MYH7: variants seen among roughly 807,000 people sequenced by gnomAD.
The protein encoded by MYH7 is myosin-7.
A neutral mutation model predicts 225.4 loss-of-function variants in MYH7; 129 were observed. That is an observed-to-expected ratio of 0.57 (90% CI 0.50 to 0.66). MYH7 has a LOEUF of 0.66. Among genes scored for constraint, MYH7 ranks in the 30% least tolerant of loss-of-function variants. The pLI is 0.00. For missense variants in MYH7, 1,649 were observed against 2,517.0 expected (o/e 0.66, Z 7.38); for synonymous variants, 971 against 1,007.6 (o/e 0.96, Z 0.69).
At chr14:23,434,494 C>A (rs75208264) in intron 1 of MYH7, among the ~76,000 whole-genome samples, 2 of 152,330 alleles carry the variant, frequency 1.3e-5, no homozygotes, top group South Asian at 2.1e-4. Flanking sequence ...TTCACTCCTG[C>A]GAGATGGTCC....
chr14:23,427,508 G>A, intron 16 of MYH7, 77 bp downstream of exon 16: 1 of 1,555,818 alleles, frequency 6.4e-7, no homozygotes, highest in South Asian at 1.2e-5. Context: ...GAAGTGGTGG[G>A]GTGTAGCAAT....
Position 23,433,249 on chromosome 14 carries a change from C to T in MYH7, c.202-22G>A, listed in dbSNP as rs372747594. 108 of 1,614,024 alleles carry T rather than the reference C, an allele frequency of 6.7e-5. No homozygotes were observed. The highest frequency in any genetic ancestry group is 8.6e-5 in the Non-Finnish European group (101 of 1,180,018). Reference sequence around the variant, plus strand: ...CTGTCTGCAAGAGCCCCCACCCAAGCCCTCCTGTCAGCCTGGGCTTTCCCT... The same window carrying T: ...CTGTCTGCAAGAGCCCCCACCCAAGTCCTCCTGTCAGCCTGGGCTTTCCCT... On this transcript the variant is annotated intron_variant, in intron 3 of 39. Transcript: ENST00000355349. The surrounding 1 kb of genome is among the most constrained non-coding windows in gnomAD (Gnocchi z 4.1).
intron 30 of MYH7, chr14:23,417,943 A>G (rs1417384787): frequency 3.5e-6 from 3 of 866,486 alleles, no homozygotes; most frequent in East Asian, 2.4e-5. Flanking sequence ...AGCCCTCCCC[A>G]CTGCCTTTCC....
Position 23,417,849 on chromosome 14 carries a change from C to T in MYH7, c.4170-163G>A, listed in dbSNP as rs937992887. On this transcript the variant is annotated intron_variant, in intron 30 of 39. Transcript: ENST00000355349. ...GGGCCGAGAACATCAGGCAGAGGAT[C>T]CCAGCAGGGCGTGGAGACCCAGGCA... 5 of 1,070,622 alleles carry T rather than the reference C, an allele frequency of 4.7e-6. No individual in the cohort carries two copies. In the African/African-American group the frequency reaches 7.8e-5, roughly 17 times the overall value. 66.3% of individuals were successfully genotyped at this position (1,070,622 alleles called of 1,614,324 possible).
At chr14:23,429,398 A>C in intron 12 of MYH7, 51 bp from the exon 13 acceptor site, 1 of 1,543,606 alleles carries the variant, frequency 6.5e-7, no homozygotes, top group Non-Finnish European at 8.9e-7. Flanking sequence ...ACTGCTGGCC[A>C]GGTGTGGTGG....
chr14:23,435,398 A>C (rs946635092), intron 1 of MYH7, among the ~76,000 whole-genome samples: 1 of 139,410 alleles, frequency 7.2e-6, no homozygotes, highest in Non-Finnish European at 1.6e-5. Context: ...ACACACACAC[A>C]CCCTGTAATG....
At chr14:23,416,698 G>A (rs1440815100) in intron 33 of MYH7, among the ~76,000 whole-genome samples, 170 bp downstream of exon 33, 1 of 152,220 alleles carries the variant, frequency 6.6e-6, no homozygotes, top group Non-Finnish European at 1.5e-5. Context: ...TTCAGTGACT[G>A]GTCATTCATT....
At chr14:23,412,914 G>C (rs755582063) in intron 39 of MYH7, 43 bp from the exon 40 acceptor site, 1 of 1,606,234 alleles carries the variant, frequency 6.2e-7, no homozygotes, top group Non-Finnish European at 8.5e-7. Flanking sequence ...TGGAGAGATG[G>C]TATTGGGCAG....
At position 23,416,678 on chromosome 14, in the gene MYH7, G is replaced by A. The variant is rs3729829; in HGVS notation, c.4644+190C>T. ...AAGATGCAATGGGTAAAATGTTTAT[G>A]TGAAGAGAGTTCAGTGACTGGTCAT... On this transcript the variant is annotated intron_variant, in intron 33 of 39. Transcript: ENST00000355349. Among the ~76,000 whole-genome samples, 63,884 of 152,032 alleles carry A rather than the reference G, an allele frequency of 0.42. 15,582 individuals are homozygous for A. The highest frequency in any genetic ancestry group is 0.68 in the African/African-American group (27,998 of 41,430).
chr14:23,433,158 C>T lies in MYH7; in HGVS notation c.271G>A (p.Ala91Thr). The change falls in exon 4 of 40, where the codon GCC becomes ACC. Residue 91 changes from alanine (A) to threonine (T), a missense_variant. Ala to Thr is a moderately conservative substitution (Grantham distance 58, BLOSUM62 0). Coordinates refer to ENST00000355349, the MANE Select transcript of MYH7 (RefSeq NM_000257.4). This position sits in a 1 kb window ranked among gnomAD's most constrained non-coding sequence, Gnocchi z 4.1. ...PPKFDKIEDM[A>T]MLTFLHEPAV... ...GGCTCATGCAGGAAGGTCAGCATGG[C>T]CATGTCCTCGATTTTGTCGAACTTG... 6.2e-7 allele frequency: 1 copy of T among 1,614,088 alleles called. No homozygotes were observed. Among genetic ancestry groups the T allele is most frequent in the Non-Finnish European group, 8.5e-7 (1 of 1,180,030 alleles).
intron 9 of MYH7, 84 bp downstream of exon 9, chr14:23,431,334 G>C: frequency 7.5e-7 from 1 of 1,329,870 alleles, no homozygotes; most frequent in Non-Finnish European, 1.1e-6. Context: ...CAGAGGGAGG[G>C]AGGGGAGAGA....
At position 23,425,175 on chromosome 14, in the gene MYH7, C is replaced by CT; in HGVS notation, c.2423+106dup. ...TGCAGTGTGTTCATATGAGCCCCTC[C>CT]TGCAGGTCTCTGTGTTTGAAGATCT... On this transcript the variant is annotated intron_variant, in intron 21 of 39. Coordinates refer to ENST00000355349, the MANE Select transcript of MYH7 (RefSeq NM_000257.4). The surrounding 1 kb of genome is among the most constrained non-coding windows in gnomAD (Gnocchi z 4.6). 6.2e-7 allele frequency: 1 copy of CT among 1,603,610 alleles called. No homozygotes were observed. The highest frequency in any genetic ancestry group is 8.5e-7 in the Non-Finnish European group (1 of 1,172,110).
intron 5 of MYH7, 47 bp downstream of exon 5, chr14:23,432,592 C>G: frequency 1.2e-6 from 2 of 1,614,158 alleles, no homozygotes; most frequent in Non-Finnish European, 1.7e-6. Context: ...CTCTCCCTCC[C>G]GGCCTATCCC....
rs1893051438 is a variant in MYH7 at position 23,433,874 on chromosome 14, T to C, written c.-8-134A>G. 2.2e-6 allele frequency: 2 copies of C among 889,304 alleles called. No homozygotes were observed. Among genetic ancestry groups the C allele is most frequent in the Admixed American group, 2.1e-5 (1 of 47,006 alleles). 55.1% of individuals were successfully genotyped at this position (889,304 alleles called of 1,614,324 possible). A position where few individuals can be genotyped will look rare whatever the true frequency, so the allele number is the denominator to read the frequency against. On this transcript the variant is annotated intron_variant, in intron 2 of 39. Transcript: ENST00000355349. The surrounding 1 kb of genome is among the most constrained non-coding windows in gnomAD (Gnocchi z 4.1). ...CAAGAGGAGTTACCAGTGAGTCCCT[T>C]CCTCTTTGAGGTTACCCCTTAACCA...
chr14:23,424,137 G>A lies in MYH7; in HGVS notation c.2692C>T (p.Leu898=), dbSNP rs727504407. 21 of 1,614,062 alleles carry A rather than the reference G, an allele frequency of 1.3e-5. No homozygotes were observed. Among genetic ancestry groups the A allele is most frequent in the East Asian group, 1.1e-4 (5 of 44,902 alleles). ...QLQVQAEQDN[L]ADAEERCDQL... Reference sequence around the variant, plus strand: ...TCACAGCGCTCCTCAGCATCTGCCAGGTTGTCTTGTTCCTGAAGGTGAGGA... The same window carrying A: ...TCACAGCGCTCCTCAGCATCTGCCAAGTTGTCTTGTTCCTGAAGGTGAGGA... The change falls in exon 23 of 40, where the codon CTG becomes TTG. Residue 898 remains leucine, a synonymous_variant. Coordinates refer to ENST00000355349, the MANE Select transcript of MYH7 (RefSeq NM_000257.4).
chr14:23,430,063 G>C, intron 11 of MYH7, 150 bp from the exon 12 acceptor site: 1 of 939,542 alleles, frequency 1.1e-6, no homozygotes, highest in South Asian at 1.4e-5. Flanking sequence ...AACAAAGGAT[G>C]TAAGATGCAG....
rs1893037347 is a variant in MYH7 at position 23,433,615 on chromosome 14, G to C, written c.118C>G (p.Pro40Ala). The C allele has an allele frequency of 6.2e-7, 1 of 1,614,118 alleles. No homozygotes were observed. Among genetic ancestry groups the C allele is most frequent in the African/African-American group, 1.3e-5 (1 of 74,948 alleles). ...TTGACAAACTCCTGTTTGTCATCAGGCACGAAGACATCCTTCTTGAGGTCA... is the reference window on the plus strand; with the variant it reads ...TTGACAAACTCCTGTTTGTCATCAGCCACGAAGACATCCTTCTTGAGGTCA... ...PFDLKKDVFV[P>A]DDKQEFVKAK... is the part of the protein sequence containing the mutation. The change falls in exon 3 of 40, where the codon CCT (proline) becomes GCT (alanine). Residue 40 changes from proline to alanine, a missense_variant. Pro to Ala is a conservative substitution (Grantham distance 27, BLOSUM62 -1). This residue lies in a region of MYH7 where 91 missense variants were observed against 96.5 expected (regional missense o/e 0.94). Transcript: ENST00000355349. This position sits in a 1 kb window ranked among gnomAD's most constrained non-coding sequence, Gnocchi z 4.1.
rs1444819225 is a variant in MYH7, at chr14:23,430,401, A to G, written c.999+159T>C. On this transcript the variant is annotated intron_variant, in intron 11 of 39. Transcript: ENST00000355349. ...TGGCCAGTCCTGTCTCACCTCATCC[A>G]TTCCCCAGTACACCCTGATCACAGG... is the stretch of plus-strand genomic sequence containing the variant. 2.0e-5 allele frequency among the ~76,000 whole-genome samples: 3 copies of G among 151,860 alleles called. No homozygotes were observed. In the South Asian group the frequency reaches 6.2e-4, roughly 32 times the overall value.
chr14:23,434,939 G>A (rs17092326), intron 1 of MYH7, among the ~76,000 whole-genome samples: 25,282 of 151,792 alleles, frequency 0.17, 3,173 homozygotes, highest in African/African-American at 0.35. Flanking sequence ...ACCTCAATCC[G>A]CACCCCAACC....
Sources: gnomAD v4.1 joint callset for allele counts (sites outside exome capture counted in the v4.1 genomes callset) on GRCh38, gnomAD v4.1.1 for gene constraint, gnomAD v4.1.1 regional missense constraint, Gnocchi (gnomAD v3.1) non-coding constraint, MANE v1.5 for transcripts, NCBI Gene and HGNC (gene_info 2026-07-23, HGNC 2026-07-21) for gene names.